Variants in EIF4G3 observed in about 807,000 individuals in gnomAD.
The protein encoded by EIF4G3 is eIF-4-gamma 3.
Under a neutral mutation model 186.4 loss-of-function variants are expected in EIF4G3, and 34 were observed. The ratio of observed to expected loss-of-function variants is 0.18; its 90% CI spans 0.14 to 0.24. The LOEUF (loss-of-function observed/expected upper bound fraction) is 0.24, where lower values mean the gene tolerates loss of function less well. EIF4G3 is among the 10% of genes least tolerant of loss of function. EIF4G3 has a pLI of 1.00. For missense variants in EIF4G3, 1,536 were observed against 1,948.5 expected (o/e 0.79, Z 3.99); for synonymous variants, 673 against 679.5 (o/e 0.99, Z 0.15).
chr1:20,993,226 C>G (rs1004597159), intron 7 of EIF4G3, among the ~76,000 whole-genome samples: 30 of 152,058 alleles, frequency 2.0e-4, no homozygotes, highest in African/African-American at 5.6e-4. Flanking sequence ...TTTGTGGGGA[C>G]TCAAAAAGAG....
At chr1:20,816,867 C>T (rs12751516) in intron 34 of EIF4G3, among the ~76,000 whole-genome samples, 13,211 of 61,972 alleles carry the variant, frequency 0.21, 1,867 homozygotes, top group East Asian at 0.59. Flanking sequence ...AAGAAGTAGA[C>T]ATGGGAGACT....
At chr1:20,894,452 C>T (rs540653978) in intron 17 of EIF4G3, among the ~76,000 whole-genome samples, 2 of 152,144 alleles carry the variant, frequency 1.3e-5, no homozygotes, top group African/African-American at 4.8e-5. Flanking sequence ...GTAAGAAGAC[C>T]TGTTGCTATA....
intron 18 of EIF4G3, among the ~76,000 whole-genome samples, chr1:20,886,829 C>T (rs943564282): frequency 1.1e-4 from 16 of 152,052 alleles, no homozygotes; most frequent in African/African-American, 3.9e-4. Flanking sequence ...AGATTCCACT[C>T]ATTATGCTGG....
chr1:20,954,188 T>C (rs1015907391), intron 12 of EIF4G3, among the ~76,000 whole-genome samples: 2 of 152,124 alleles, frequency 1.3e-5, no homozygotes, highest in Admixed American at 6.5e-5. Context: ...TTAACATATA[T>C]AAAATCTGTG....
intron 2 of EIF4G3, among the ~76,000 whole-genome samples, chr1:21,158,045 T>A (rs1034569949): frequency 2.0e-5 from 3 of 152,180 alleles, no homozygotes; most frequent in Admixed American, 2.0e-4. Context: ...ATTGTCCTTA[T>A]CATGAACTAA....
At chr1:20,887,796 G>T (rs532670213) in intron 18 of EIF4G3, among the ~76,000 whole-genome samples, 1 of 152,174 alleles carries the variant, frequency 6.6e-6, no homozygotes, top group Admixed American at 6.5e-5. Flanking sequence ...AACATAAATT[G>T]TAACTGAAAC....
At chr1:20,814,684 C>T (rs938868098) in intron 34 of EIF4G3, among the ~76,000 whole-genome samples, 1 of 146,056 alleles carries the variant, frequency 6.8e-6, no homozygotes, top group South Asian at 2.2e-4. Flanking sequence ...AAAAATGTTA[C>T]TCTTTTCTAA....
chr1:20,837,369 C>A (rs1285123903), intron 30 of EIF4G3, among the ~76,000 whole-genome samples: 1 of 152,190 alleles, frequency 6.6e-6, no homozygotes, highest in East Asian at 1.9e-4. Context: ...CCATGCCCAG[C>A]TAATTTTTGT....
At chr1:21,034,349 T>C (rs1382330122) in intron 4 of EIF4G3, among the ~76,000 whole-genome samples, 1 of 152,232 alleles carries the variant, frequency 6.6e-6, no homozygotes, top group Non-Finnish European at 1.5e-5. Flanking sequence ...AAAACATTCA[T>C]TTAAGTCACA....
intron 33 of EIF4G3, among the ~76,000 whole-genome samples, chr1:20,818,284 C>T (rs1255626254): frequency 6.6e-6 from 1 of 152,036 alleles, no homozygotes; most frequent in Admixed American, 6.6e-5. Context: ...GTGGCCATTT[C>T]GAATATAGGT....
intron 4 of EIF4G3, among the ~76,000 whole-genome samples, chr1:21,040,305 T>C (rs1334783803): frequency 6.6e-6 from 1 of 152,112 alleles, no homozygotes; most frequent in Non-Finnish European, 1.5e-5. Flanking sequence ...ACCAAACACA[T>C]GGAAGTTGCT....
intron 4 of EIF4G3, among the ~76,000 whole-genome samples, chr1:21,045,997 G>A (rs991767998): frequency 6.6e-6 from 1 of 152,120 alleles, no homozygotes; most frequent in African/African-American, 2.4e-5. Context: ...AACTTCCATA[G>A]GTTAAATTAT....
chr1:21,064,955 T>C (rs2095154837), intron 3 of EIF4G3: 1 of 152,156 alleles, frequency 6.6e-6, no homozygotes, highest in Admixed American at 6.5e-5. Context: ...GACAAGGTTG[T>C]ATGCGAGTCT....
chr1:21,091,693 G>C (rs923031463), intron 2 of EIF4G3, among the ~76,000 whole-genome samples: 13 of 152,070 alleles, frequency 8.5e-5, no homozygotes, highest in Non-Finnish European at 1.5e-5. Flanking sequence ...AGTTCTCCTT[G>C]AAGAGGTCCT....
intron 34 of EIF4G3, among the ~76,000 whole-genome samples, chr1:20,814,578 A>G (rs1464013994): frequency 6.6e-6 from 1 of 152,142 alleles, no homozygotes; most frequent in Non-Finnish European, 1.5e-5. Context: ...AGAAGCATGT[A>G]ACTATTTTTA....
rs1362916360 is a variant in EIF4G3 at position 20,942,048 on chromosome 1, A to G, written c.1106T>C (p.Ile369Thr). The change falls in exon 14 of 37, where the codon ATA (isoleucine) becomes ACA (threonine). Residue 369 changes from isoleucine to threonine, a missense_variant. This residue lies in a region of EIF4G3 where 560 missense variants were observed against 547.8 expected (regional missense o/e 1.02). Transcript: ENST00000602326. ...TTCTGTGCAAGATGTGAGGCTGGGT[A>G]TAGGAATTGTGTCTTCTCTTGGGGA... ...LSSPREDTIP[I>T]PSLTSCTETS... 1 of 1,614,042 alleles carries G rather than the reference A, an allele frequency of 6.2e-7. No individual in the cohort carries two copies. Among genetic ancestry groups the G allele is most frequent in the East Asian group, 2.2e-5 (1 of 44,894 alleles).
intron 2 of EIF4G3, among the ~76,000 whole-genome samples, chr1:21,164,636 G>C (rs2097825037): frequency 6.6e-6 from 1 of 152,142 alleles, no homozygotes; most frequent in Admixed American, 6.6e-5. Context: ...AAGGTAGGCA[G>C]ATCACTTGAG....
At chr1:21,077,795 G>A (rs1047569353) in intron 3 of EIF4G3, among the ~76,000 whole-genome samples, 2 of 150,824 alleles carry the variant, frequency 1.3e-5, no homozygotes, top group African/African-American at 4.9e-5. Context: ...CAGGAGAATC[G>A]CTTGAACCCA....
At chr1:20,818,424 A>G (rs1217747524) in intron 33 of EIF4G3, among the ~76,000 whole-genome samples, 1 of 152,174 alleles carries the variant, frequency 6.6e-6, no homozygotes. Flanking sequence ...GGAGTGTATG[A>G]GTTCAGGAGT....
Sources: gnomAD v4.1 joint callset for allele counts (sites outside exome capture counted in the v4.1 genomes callset) on GRCh38, gnomAD v4.1.1 for gene constraint, gnomAD v4.1.1 regional missense constraint, MANE v1.5 for transcripts, NCBI Gene and HGNC (gene_info 2026-07-23, HGNC 2026-07-21) for gene names.